CRPPA: variants seen among roughly 807,000 people sequenced by gnomAD.
CRPPA encodes D-ribitol-5-phosphate cytidylyltransferase.
CRPPA carries 43 observed loss-of-function variants against 52.0 expected under a neutral mutation model. That is an observed-to-expected ratio of 0.83 (90% CI 0.65 to 1.07). CRPPA has a LOEUF of 1.07. Among genes scored for constraint, CRPPA ranks in the 50% least tolerant of loss-of-function variants. The pLI, the probability that CRPPA is intolerant of heterozygous loss-of-function variation, is 0.00. For synonymous variants in CRPPA, 250 were observed against 203.5 expected, an observed-to-expected ratio of 1.23 and a Z score of -1.94; for missense variants, 629 against 551.7, an observed-to-expected ratio of 1.14 and a Z score of -1.40.
chr7:16,252,203 T>G (rs562926529), intron 8 of CRPPA, among the ~76,000 whole-genome samples: 2 of 152,064 alleles, frequency 1.3e-5, no homozygotes, highest in Non-Finnish European at 2.9e-5. Context: ...GCCTATCCAC[T>G]GCAATCAAGT....
At chr7:16,357,805 C>A (rs1004446985) in intron 3 of CRPPA, among the ~76,000 whole-genome samples, 3 of 152,058 alleles carry the variant, frequency 2.0e-5, no homozygotes, top group Non-Finnish European at 4.4e-5. Flanking sequence ...GGGGGAGTAC[C>A]CAATGAAGGA....
intron 8 of CRPPA, among the ~76,000 whole-genome samples, chr7:16,245,341 T>C (rs896272776): frequency 6.6e-6 from 1 of 152,242 alleles, no homozygotes; most frequent in African/African-American, 2.4e-5. Flanking sequence ...ATCTATTAAT[T>C]TGGTGCACAT....
At position 16,280,851 on chromosome 7, in the gene CRPPA, C is replaced by G. The variant is rs142439120; in HGVS notation, c.836-2625G>C. On this transcript the variant is annotated intron_variant, in intron 5 of 9. Coordinates refer to ENST00000407010, the MANE Select transcript of CRPPA (RefSeq NM_001101426.4). ...CCTGGGCAACATGGTGAAACCCCAT[C>G]TCTATTAAAAATACAAAAATTAGCC... 1.1e-3 allele frequency among the ~76,000 whole-genome samples: 161 copies of G among 152,228 alleles called. 6 individuals carry two copies. The East Asian group carries it at 0.029, about 28-fold the overall frequency.
chr7:16,259,958 G>A (rs895816337), intron 6 of CRPPA, among the ~76,000 whole-genome samples: 3 of 151,858 alleles, frequency 2.0e-5, no homozygotes, highest in African/African-American at 7.2e-5. Context: ...AAATTAGTTG[G>A]CTATTAAATT....
At chr7:16,391,790 T>C (rs1261588413) in intron 2 of CRPPA, among the ~76,000 whole-genome samples, 3 of 152,134 alleles carry the variant, frequency 2.0e-5, no homozygotes, top group Non-Finnish European at 4.4e-5. Context: ...GCCTAACACA[T>C]AGCATGCACT....
rs1784577291 is a variant in CRPPA, at chr7:16,292,162, C to G, written c.835+9259G>C. Reference sequence around the variant, plus strand: ...TAATCAATTATGAGTTAACAATACTCTCTTAACCGTACTCTAAATCTGATG... The same window carrying G: ...TAATCAATTATGAGTTAACAATACTGTCTTAACCGTACTCTAAATCTGATG... On this transcript the variant is annotated intron_variant, in intron 5 of 9. Transcript: ENST00000407010. 1.3e-5 allele frequency among the ~76,000 whole-genome samples: 2 copies of G among 151,956 alleles called. 1 individual carries two copies. The highest frequency in any genetic ancestry group is 4.8e-5 in the African/African-American group (2 of 41,428).
intron 9 of CRPPA, among the ~76,000 whole-genome samples, chr7:16,163,663 C>A (rs1470683333): frequency 1.3e-5 from 2 of 152,052 alleles, no homozygotes; most frequent in African/African-American, 4.8e-5. Context: ...CCAGTTTTTC[C>A]TTTCCATATT....
At chr7:16,387,109 A>G (rs1023797681) in intron 2 of CRPPA, among the ~76,000 whole-genome samples, 1 of 135,226 alleles carries the variant, frequency 7.4e-6, no homozygotes, top group African/African-American at 3.1e-5. Context: ...ATATGTATAT[A>G]CACACACACA....
chr7:16,325,125 A>G (rs1033348583), intron 3 of CRPPA, among the ~76,000 whole-genome samples: 1 of 152,248 alleles, frequency 6.6e-6, no homozygotes, highest in Non-Finnish European at 1.5e-5. Flanking sequence ...TCAATGACTT[A>G]TAATCTGGAT....
intron 2 of CRPPA, among the ~76,000 whole-genome samples, chr7:16,388,511 C>A (rs1787353891): frequency 6.6e-6 from 1 of 151,924 alleles, no homozygotes; most frequent in Non-Finnish European, 1.5e-5. Context: ...TTAAAACAGA[C>A]AAAGAGTAAA....
intron 3 of CRPPA, among the ~76,000 whole-genome samples, chr7:16,368,287 CT>C (rs1786661637): frequency 6.6e-6 from 1 of 152,078 alleles, no homozygotes; most frequent in Admixed American, 6.6e-5. Flanking sequence ...TTGTATTATT[CT>C]TTTGTTATTT....
chr7:16,414,810 A>T (rs1278764464), intron 1 of CRPPA, among the ~76,000 whole-genome samples: 1 of 152,218 alleles, frequency 6.6e-6, no homozygotes, highest in East Asian at 1.9e-4. Flanking sequence ...AACTTCTGAA[A>T]GGGTCTAGTT....
At chr7:16,381,751 T>A (rs1787094704) in intron 2 of CRPPA, among the ~76,000 whole-genome samples, 2 of 151,910 alleles carry the variant, frequency 1.3e-5, no homozygotes, top group Admixed American at 1.3e-4. Flanking sequence ...TGTAATGGCC[T>A]TCTTTGTCTC....
At chr7:16,405,988 G>A (rs1380698863) in intron 2 of CRPPA, 73 bp downstream of exon 2, 13 of 1,344,908 alleles carry the variant, frequency 9.7e-6, no homozygotes, top group African/African-American at 4.4e-5. Context: ...AAACAGAATT[G>A]AATCAAAATT....
intron 9 of CRPPA, among the ~76,000 whole-genome samples, chr7:16,099,221 G>A (rs1781991144): frequency 6.7e-6 from 1 of 149,318 alleles, no homozygotes; most frequent in Non-Finnish European, 1.5e-5. Context: ...CCACTGCACT[G>A]CAGCCTAGGT....
chr7:16,384,489 G>A (rs898318952), intron 2 of CRPPA, among the ~76,000 whole-genome samples: 4 of 152,216 alleles, frequency 2.6e-5, no homozygotes, highest in Non-Finnish European at 4.4e-5. Context: ...GACTACAAGG[G>A]ATATATGCCC....
At chr7:16,208,446 G>T (rs1373223715) in intron 9 of CRPPA, among the ~76,000 whole-genome samples, 1 of 151,994 alleles carries the variant, frequency 6.6e-6, no homozygotes, top group Non-Finnish European at 1.5e-5. Flanking sequence ...AAAAAAAATT[G>T]CAGTCTGTAA....
In CRPPA at chr7:16,113,455, T is replaced by A. The variant is rs546217200; in HGVS notation, c.1252-21656A>T. On this transcript the variant is annotated intron_variant, in intron 9 of 9. Coordinates refer to ENST00000407010, the MANE Select transcript of CRPPA (RefSeq NM_001101426.4). ...CCACCAACTACAGAACAAAAATTCA[T>A]CAAGGAAACCTAACGAATTTCAAGG... Among the ~76,000 whole-genome samples the A allele has an allele frequency of 1.2e-3, 185 of 152,042 alleles. 1 individual carries two copies. Among genetic ancestry groups the A allele is most frequent in the African/African-American group, 4.3e-3 (177 of 41,476 alleles).
intron 3 of CRPPA, among the ~76,000 whole-genome samples, chr7:16,362,048 G>T (rs908388480): frequency 1.4e-4 from 22 of 152,046 alleles, no homozygotes; most frequent in Non-Finnish European, 2.6e-4. Context: ...TAGAGACGGG[G>T]TTTCACCATG....
Sources: allele counts gnomAD v4.1 joint callset (sites outside exome capture counted in the v4.1 genomes callset), GRCh38; gene constraint gnomAD v4.1.1; transcripts MANE v1.5; gene names NCBI Gene and HGNC (gene_info 2026-07-23, HGNC 2026-07-21).